Variants in OPCML observed in about 807,000 individuals in gnomAD.
The protein encoded by OPCML is opioid binding protein/cell adhesion molecule like, also known as opioid-binding protein/cell adhesion molecule.
In OPCML, 13 loss-of-function variants were observed where a neutral mutation model predicts 37.8. The observed-to-expected ratio is 0.34, with a 90% confidence interval of 0.22 to 0.55. The LOEUF is 0.55. Among genes scored for constraint, OPCML ranks in the 20% least tolerant of loss-of-function variants. The probability of loss-of-function intolerance (pLI) is 0.91; values close to 1 mark genes in which losing one functional copy is unlikely to be tolerated. For missense variants in OPCML, 341 were observed against 435.6 expected, an observed-to-expected ratio of 0.78 and a Z score of 1.93; for synonymous variants, 176 against 168.8, an observed-to-expected ratio of 1.04 and a Z score of -0.33.
chr11:132,525,419 T>C (rs1467255291), intron 4 of OPCML, among the ~76,000 whole-genome samples: 1 of 152,212 alleles, frequency 6.6e-6, no homozygotes, highest in Non-Finnish European at 1.5e-5. Flanking sequence ...AAATCATATA[T>C]TTCAAATATT....
Position 133,173,480 on chromosome 11 carries a change from C to T in OPCML, c.62-230470G>A, listed in dbSNP as rs1950315756. On this transcript the variant is annotated intron_variant, in intron 1 of 7. Coordinates refer to ENST00000524381, the MANE Select transcript of OPCML (RefSeq NM_001012393.5). This position sits in a 1 kb window ranked among gnomAD's most constrained non-coding sequence, Gnocchi z 7.8. Reference sequence around the variant, plus strand: ...AGCAACCACTAGCCACAGATGGATTCCTAGAATCTACAGCAGAGTGTCCCC... The same window carrying T: ...AGCAACCACTAGCCACAGATGGATTTCTAGAATCTACAGCAGAGTGTCCCC... Among the ~76,000 whole-genome samples the T allele has an allele frequency of 6.6e-6, 1 of 152,254 alleles. No homozygotes were observed. The highest frequency in any genetic ancestry group is 1.9e-4 in the East Asian group (1 of 5,168).
chr11:133,153,192 C>G (rs760740007), intron 1 of OPCML, among the ~76,000 whole-genome samples: 6 of 152,040 alleles, frequency 3.9e-5, no homozygotes, highest in Admixed American at 1.3e-4. Context: ...GTGGGAGAGA[C>G]GGGAGCCTGC....
At chr11:132,800,626 T>C (rs1056174093) in intron 2 of OPCML, among the ~76,000 whole-genome samples, 1 of 152,184 alleles carries the variant, frequency 6.6e-6, no homozygotes, top group Non-Finnish European at 1.5e-5. Flanking sequence ...AAAGTGCTGT[T>C]GGGTTTTGTC....
intron 4 of OPCML, among the ~76,000 whole-genome samples, chr11:132,475,171 G>T (rs1194380162): frequency 6.6e-6 from 1 of 152,086 alleles, no homozygotes; most frequent in Non-Finnish European, 1.5e-5. Context: ...AAATACATAA[G>T]CCCCCACTAA....
intron 2 of OPCML, among the ~76,000 whole-genome samples, chr11:132,924,646 G>A (rs1054716821): frequency 6.6e-6 from 1 of 152,150 alleles, no homozygotes; most frequent in Non-Finnish European, 1.5e-5. Flanking sequence ...TAAACAAGGT[G>A]TTTTTCCCCG....
intron 3 of OPCML, among the ~76,000 whole-genome samples, chr11:132,578,374 A>T (rs1436569255): frequency 1.3e-5 from 2 of 152,174 alleles, no homozygotes; most frequent in East Asian, 3.8e-4. Flanking sequence ...ATAGCAGTAA[A>T]TTCTGCTACA....
intron 3 of OPCML, among the ~76,000 whole-genome samples, chr11:132,599,261 G>A (rs1937660101): frequency 6.6e-6 from 1 of 151,976 alleles, no homozygotes; most frequent in African/African-American, 2.4e-5. Context: ...ACTCCAGCCT[G>A]GGTGACAGAC....
chr11:133,253,051 CAGG>C (rs1049831593), intron 1 of OPCML, among the ~76,000 whole-genome samples: 1 of 149,378 alleles, frequency 6.7e-6, no homozygotes, highest in African/African-American at 2.5e-5. Flanking sequence ...GAGGCTGAGG[CAGG>C]AGAACCACTT....
intron 1 of OPCML, among the ~76,000 whole-genome samples, chr11:133,030,181 C>A (rs568709176): frequency 1.3e-5 from 2 of 152,270 alleles, no homozygotes; most frequent in Non-Finnish European, 2.9e-5. Context: ...AGAAACACTG[C>A]AAAACCAAGT....
intron 1 of OPCML, among the ~76,000 whole-genome samples, chr11:132,991,847 C>A (rs908625647): frequency 2.6e-5 from 4 of 151,992 alleles, no homozygotes; most frequent in African/African-American, 9.7e-5. Context: ...AGTGAAATAC[C>A]TGGAAAATGT....
chr11:133,271,552 G>A (rs977895661), intron 1 of OPCML, among the ~76,000 whole-genome samples: 2 of 152,062 alleles, frequency 1.3e-5, no homozygotes, highest in African/African-American at 4.8e-5. Flanking sequence ...CTGTGTGTGT[G>A]GCACTATGAT....
intron 1 of OPCML, among the ~76,000 whole-genome samples, chr11:133,442,201 C>T (rs1274278967): frequency 1.3e-5 from 2 of 152,166 alleles, no homozygotes; most frequent in Non-Finnish European, 2.9e-5. Flanking sequence ...TTGACTAGGT[C>T]CTAAACCAGT....
intron 2 of OPCML, among the ~76,000 whole-genome samples, chr11:132,658,452 G>A (rs938536217): frequency 3.3e-5 from 5 of 152,146 alleles, no homozygotes; most frequent in African/African-American, 1.2e-4. Flanking sequence ...GTCAGGACCT[G>A]GCCAAGTGAC....
chr11:132,844,255 A>G (rs1336581042), intron 2 of OPCML, among the ~76,000 whole-genome samples: 1 of 152,348 alleles, frequency 6.6e-6, no homozygotes, highest in Admixed American at 6.5e-5. Context: ...AGCGTGAGAA[A>G]GACTAATACA....
chr11:133,225,518 A>T (rs1940002859), intron 1 of OPCML, among the ~76,000 whole-genome samples: 1 of 152,202 alleles, frequency 6.6e-6, no homozygotes, highest in Non-Finnish European at 1.5e-5. Context: ...AACACGGGAA[A>T]GTGCTTGAAA....
Position 132,420,082 on chromosome 11 carries a change from G to A in OPCML, c.*111C>T. The A allele has an allele frequency of 3.6e-5, 25 of 699,988 alleles. No homozygotes were observed. The highest frequency in any genetic ancestry group is 2.1e-4 in the South Asian group (8 of 37,572). The allele number at this position is 699,988 out of a possible 1,614,324, so 43.4% of individuals were successfully genotyped here. On this transcript the variant is annotated 3_prime_UTR_variant, in exon 8 of 8. Coordinates refer to ENST00000524381, the MANE Select transcript of OPCML (RefSeq NM_001012393.5). ...CAAAAACAAAAAGAAAACAAATCTA[G>A]AATAACAGAAAAAAACAAAAAGAAG... is the stretch of plus-strand genomic sequence containing the variant.
chr11:133,259,177 T>C (rs979054842), intron 1 of OPCML, among the ~76,000 whole-genome samples: 3 of 152,328 alleles, frequency 2.0e-5, no homozygotes, highest in Admixed American at 2.0e-4. Flanking sequence ...TTGTTCACGG[T>C]TCCAGAGACA....
At chr11:133,142,544 C>T (rs1001343987) in intron 1 of OPCML, among the ~76,000 whole-genome samples, 17 of 152,182 alleles carry the variant, frequency 1.1e-4, no homozygotes, top group Non-Finnish European at 5.9e-5. Context: ...TAACTACTGT[C>T]TATTATTTTA....
chr11:133,154,830 T>C (rs755599583), intron 1 of OPCML, among the ~76,000 whole-genome samples: 1 of 152,220 alleles, frequency 6.6e-6, no homozygotes, highest in African/African-American at 2.4e-5. Context: ...TGCTGAGCTT[T>C]GCAAAGATGA....
Sources: gnomAD v4.1 joint callset for allele counts (sites outside exome capture counted in the v4.1 genomes callset) on GRCh38, gnomAD v4.1.1 for gene constraint, Gnocchi (gnomAD v3.1) non-coding constraint, MANE v1.5 for transcripts, NCBI Gene and HGNC (gene_info 2026-07-23, HGNC 2026-07-21) for gene names.